The following LRRK2 variants were observed in gnomAD, a reference collection of about 807,000 sequenced individuals.
LRRK2 encodes leucine rich repeat kinase 2, also known as leucine-rich repeat serine/threonine-protein kinase 2.
In LRRK2, 203 loss-of-function variants were observed where a neutral mutation model predicts 302.6. That is an observed-to-expected ratio of 0.67 (90% confidence interval 0.60 to 0.75). LRRK2 has a LOEUF of 0.75. LRRK2 is among the 30% of genes least tolerant of loss of function. The pLI is 0.00. For missense variants in LRRK2, 2,830 were observed against 2,951.0 expected (o/e 0.96, Z 0.95); for synonymous variants, 1,066 against 1,031.9 (o/e 1.03, Z -0.63).
chr12:40,304,404 C>T (rs1432888172), intron 27 of LRRK2: 4 of 530,974 alleles, frequency 7.5e-6, no homozygotes, highest in Non-Finnish European at 1.3e-5. Context: ...AGCCTTAATA[C>T]TTCCACTAAA....
chr12:40,232,004 A>G (rs527344529), intron 2 of LRRK2, among the ~76,000 whole-genome samples: 1 of 151,850 alleles, frequency 6.6e-6, no homozygotes, highest in Non-Finnish European at 1.5e-5. Context: ...GGGTTTCACC[A>G]TCTTGGCCAC....
intron 40 of LRRK2, among the ~76,000 whole-genome samples, chr12:40,339,008 T>C (rs751121487): frequency 1.5e-4 from 23 of 152,214 alleles, no homozygotes; most frequent in Middle Eastern, 3.2e-3. Context: ...TGAATGGGCC[T>C]AATGTCAAAT....
At chr12:40,325,307 G>A (rs1212594476) in intron 38 of LRRK2, among the ~76,000 whole-genome samples, 1 of 151,948 alleles carries the variant, frequency 6.6e-6, no homozygotes, top group Non-Finnish European at 1.5e-5. Context: ...AAACAAAAAA[G>A]CAAAGTCTGT....
chr12:40,293,796 T>A lies in LRRK2; in HGVS notation c.2808+133T>A, dbSNP rs1051323550. The A allele has an allele frequency of 4.8e-6, 3 of 625,718 alleles. No homozygotes were observed. The African/African-American group carries it at 5.6e-5, about 12-fold the overall frequency. The allele number at this position is 625,718 out of a possible 1,614,324, so 38.8% of individuals were successfully genotyped here. A position where few individuals can be genotyped will look rare whatever the true frequency, so the allele number is the denominator to read the frequency against. On this transcript the variant is annotated intron_variant, in intron 21 of 50. Transcript: ENST00000298910. ...TGTATGAAAACTATAATTTTGAGAT[T>A]TTTATATATGTAATAGATATGAAAA...
Position 40,232,376 on chromosome 12 carries a change from G to A in LRRK2, c.340G>A (p.Val114Ile). ...TGGAAATGATTGGGAAGTCCTTGGT[G>A]TTCACCAGTAAGTATGATAGATATG... ...DVGNDWEVLG[V>I]HQLILKMLTV... Residue 114 changes from valine (V) to isoleucine (I), a missense_variant, in exon 3 of 51, where the codon GTT (valine) becomes ATT (isoleucine). Val to Ile is a conservative substitution (Grantham distance 29). Around this residue, in one of 3 missense-constraint regions of LRRK2, gnomAD observed 2,121 missense variants for 2,148.0 expected, o/e 0.99. Transcript: ENST00000298910. The A allele has an allele frequency of 6.2e-7, 1 of 1,610,674 alleles. No individual in the cohort carries two copies.
At chr12:40,313,853 A>G in intron 31 of LRRK2, 119 bp from the exon 32 acceptor site, 2 of 729,538 alleles carry the variant, frequency 2.7e-6, no homozygotes, top group South Asian at 3.5e-5. Context: ...TTTATTTAAA[A>G]ATGTACTTCT....
At chr12:40,345,989 A>G (rs1322324510) in intron 41 of LRRK2, among the ~76,000 whole-genome samples, 1 of 152,174 alleles carries the variant, frequency 6.6e-6, no homozygotes, top group Non-Finnish European at 1.5e-5. Context: ...GTGATCCCTA[A>G]GTTACTGCAT....
chr12:40,244,228 T>C (rs1408886676), intron 7 of LRRK2, among the ~76,000 whole-genome samples: 1 of 152,196 alleles, frequency 6.6e-6, no homozygotes, highest in Admixed American at 6.5e-5. Context: ...CATGTTTCTC[T>C]AAGCAAAATT....
chr12:40,325,012 G>A (rs181776846), intron 38 of LRRK2, among the ~76,000 whole-genome samples: 15 of 152,352 alleles, frequency 9.8e-5, no homozygotes, highest in East Asian at 9.6e-4. Flanking sequence ...AGTTGGCCAG[G>A]TGTAGTAGCT....
intron 46 of LRRK2, among the ~76,000 whole-genome samples, chr12:40,356,453 T>C (rs1211190822): frequency 2.0e-5 from 3 of 152,040 alleles, no homozygotes; most frequent in African/African-American, 7.2e-5. Flanking sequence ...ATTCAATTTG[T>C]ACATAACTGA....
intron 14 of LRRK2, among the ~76,000 whole-genome samples, chr12:40,265,286 T>G (rs1342403860): frequency 6.6e-6 from 1 of 152,206 alleles, no homozygotes; most frequent in Non-Finnish European, 1.5e-5. Flanking sequence ...CTCCTGAATC[T>G]CATAAGCCGG....
rs149013010 is a variant in LRRK2 at position 40,351,679 on chromosome 12, C to T, written c.6522C>T (p.Thr2174=). 28 of 1,613,956 alleles carry T rather than the reference C, an allele frequency of 1.7e-5. No homozygotes were observed. The East Asian group carries it at 2.5e-4, about 14-fold the overall frequency. The change falls in exon 44 of 51, where the codon ACC becomes ACT. Residue 2174 remains threonine (T), a synonymous_variant. Transcript: ENST00000298910. ...NASIWLGCGH[T]DRGQLSFLDL... is the part of the protein sequence containing the mutation. Reference sequence around the variant, plus strand: ...GCATTTGGCTGGGCTGTGGGCACACCGACAGAGGACAGCTCTCATTTCTTG... The same window carrying T: ...GCATTTGGCTGGGCTGTGGGCACACTGACAGAGGACAGCTCTCATTTCTTG...
At position 40,301,950 on chromosome 12, in the gene LRRK2, G is replaced by A. The variant is rs189526827; in HGVS notation, c.3497-839G>A. On this transcript the variant is annotated intron_variant, in intron 25 of 50. Transcript: ENST00000298910. ...TCCCAGCACTTTGGGAGGCCGGGGC[G>A]GGCAGATCACAAGGTCAGGAGATGG... Among the ~76,000 whole-genome samples the A allele has an allele frequency of 1.2e-3, 178 of 152,146 alleles. 1 individual carries two copies. The highest frequency in any genetic ancestry group is 4.1e-3 in the African/African-American group (170 of 41,512).
intron 18 of LRRK2, among the ~76,000 whole-genome samples, chr12:40,282,174 C>A (rs1302513436): frequency 7.1e-6 from 1 of 141,814 alleles, no homozygotes; most frequent in Admixed American, 7.3e-5. Flanking sequence ...TCCCCTTCCT[C>A]TTCCCCTTCC....
rs764684819 is a variant in LRRK2, at chr12:40,283,917, C to T, written c.2284C>T (p.Leu762=). The change falls in exon 19 of 51, where the codon CTG becomes TTG. Residue 762 remains leucine, a synonymous_variant. Coordinates refer to ENST00000298910, the MANE Select transcript of LRRK2 (RefSeq NM_198578.4). ...ESSPKLVELL[L]NSGSREQDVR... is the part of the protein sequence containing the mutation. ...CAGTCCCAAATTGGTGGAACTCTTACTGAATAGTGGATCTCGTGAACAAGA... is the reference window on the plus strand; with the variant it reads ...CAGTCCCAAATTGGTGGAACTCTTATTGAATAGTGGATCTCGTGAACAAGA... 7.4e-6 allele frequency: 12 copies of T among 1,613,354 alleles called. No homozygotes were observed. Among genetic ancestry groups the T allele is most frequent in the Non-Finnish European group, 9.3e-6 (11 of 1,179,632 alleles).
Position 40,251,363 on chromosome 12 carries a change from A to C in LRRK2, c.1090A>C (p.Lys364Gln), listed in dbSNP as rs1403901956. 3 of 1,614,004 alleles carry C rather than the reference A, an allele frequency of 1.9e-6. No homozygotes were observed. In the Admixed American group the frequency reaches 5.0e-5, roughly 27 times the overall value. Residue 364 changes from lysine to glutamine, a missense_variant, in exon 9 of 51, where the codon AAG (lysine) becomes CAG (glutamine). This residue lies in a region of LRRK2 where 2,121 missense variants were observed against 2,148.0 expected (regional missense o/e 0.99). Transcript: ENST00000298910. ...AGCATTAACGTGGCATAGAAAGAAC[A>C]AGCACGTGCAGGTAGGACTCTCATA... ...YKALTWHRKNKHVQEAACWAL... is the reference protein window; with the variant it reads ...YKALTWHRKNQHVQEAACWAL...
chr12:40,225,496 G>A, intron 1 of LRRK2, 59 bp from the exon 2 acceptor site: 1 of 1,465,558 alleles, frequency 6.8e-7, no homozygotes, highest in Non-Finnish European at 9.6e-7. Context: ...AGACTAAAAA[G>A]GAGAGGGGGT....
rs71078229 is a variant in LRRK2, at chr12:40,229,955, C to CTTTT, written c.238-2294_238-2291dup. 4.6e-4 allele frequency among the ~76,000 whole-genome samples: 43 copies of CTTTT among 92,890 alleles called. 2 individuals are homozygous for CTTTT. Among genetic ancestry groups the CTTTT allele is most frequent in the South Asian group, 1.1e-3 (3 of 2,692 alleles). 60.9% of individuals were successfully genotyped at this position (92,890 alleles called of 152,430 possible). On this transcript the variant is annotated intron_variant, in intron 2 of 50. Transcript: ENST00000298910. Reference sequence around the variant, plus strand: ...GAGATGAGTTTGGCATCCTATGTGACTTTTTTTTTTTTTTTTTTTTTTTTT... The same window carrying CTTTT: ...GAGATGAGTTTGGCATCCTATGTGACTTTTTTTTTTTTTTTTTTTTTTTTTTTTT...
At chr12:40,343,634 C>T (rs1384792300) in intron 41 of LRRK2, among the ~76,000 whole-genome samples, 1 of 152,164 alleles carries the variant, frequency 6.6e-6, no homozygotes, top group Non-Finnish European at 1.5e-5. Flanking sequence ...GCAGGCTTCT[C>T]TGAAAAATTA....
Sources: allele counts gnomAD v4.1 joint callset (sites outside exome capture counted in the v4.1 genomes callset), GRCh38; gene constraint gnomAD v4.1.1; regional missense constraint gnomAD v4.1.1; transcripts MANE v1.5; gene names NCBI Gene and HGNC (gene_info 2026-07-23, HGNC 2026-07-21).